Variants in NUDC observed in about 807,000 individuals in gnomAD.
NUDC encodes the protein nuclear migration protein nudC.
A neutral mutation model predicts 45.0 loss-of-function variants in NUDC; 14 were observed. The ratio of observed to expected loss-of-function variants is 0.31; its 90% CI spans 0.21 to 0.49. The LOEUF (loss-of-function observed/expected upper bound fraction) is 0.49. NUDC is among the 20% of genes least tolerant of loss of function. NUDC has a pLI of 0.99. For missense variants in NUDC, 323 were observed against 426.2 expected (o/e 0.76, Z 2.13); for synonymous variants, 153 against 156.7 (o/e 0.98, Z 0.17).
intron 6 of NUDC, 111 bp downstream of exon 6, chr1:26,943,176 C>T: frequency 1.8e-6 from 2 of 1,094,888 alleles, no homozygotes; most frequent in Admixed American, 1.8e-5. Context: ...TTATCTTAAT[C>T]CCCATGACAA....
In NUDC at chr1:26,921,956, C is replaced by T. The variant is rs1005748666; in HGVS notation, c.81+27C>T. On this transcript the variant is annotated intron_variant, in intron 1 of 8. Transcript: ENST00000321265. ...TAACGGCCCGCGCGGCGTCGGCCCACCCGGCGGCCTTGGCCACGCTCCTTC... is the reference window on the plus strand; with the variant it reads ...TAACGGCCCGCGCGGCGTCGGCCCATCCGGCGGCCTTGGCCACGCTCCTTC... 4 of 1,547,352 alleles carry T rather than the reference C, an allele frequency of 2.6e-6. No homozygotes were observed. In the South Asian group the frequency reaches 3.6e-5, roughly 14 times the overall value.
chr1:26,900,168 C>T, upstream of NUDC: 1 of 1,614,050 alleles, frequency 6.2e-7, no homozygotes, highest in Non-Finnish European at 8.5e-7. Context: ...AGTAGAGTCT[C>T]GAGTGGAGAG....
intron 4 of NUDC, among the ~76,000 whole-genome samples, chr1:26,942,093 A>C (rs1215806310): frequency 6.6e-6 from 1 of 152,078 alleles, no homozygotes; most frequent in Non-Finnish European, 1.5e-5. Context: ...GGAGTTCAAG[A>C]CCAACTTGGC....
At chr1:26,936,162 TATA>T (rs1429076957) in intron 2 of NUDC, among the ~76,000 whole-genome samples, 3 of 19,206 alleles carry the variant, frequency 1.6e-4, no homozygotes, top group South Asian at 1.6e-3. Context: ...TATATATATA[TATA>T]TTTTTTTTTT....
chr1:26,907,533 A>G (rs1358720519), intron 2 of NUDC, among the ~76,000 whole-genome samples: 1 of 151,572 alleles, frequency 6.6e-6, no homozygotes, highest in African/African-American at 2.4e-5. Context: ...GCTTTTTGCC[A>G]GCATCACGGG....
intron 2 of NUDC, among the ~76,000 whole-genome samples, chr1:26,903,947 C>T (rs1266244805): frequency 6.6e-6 from 1 of 150,566 alleles, no homozygotes; most frequent in African/African-American, 2.4e-5. Context: ...GGAGGCGGAG[C>T]TTGCAGTGAG....
intron 6 of NUDC, 40 bp downstream of exon 6, chr1:26,943,105 G>T: frequency 6.2e-7 from 1 of 1,602,730 alleles, no homozygotes; most frequent in Non-Finnish European, 8.5e-7. Context: ...GGTGTTGATG[G>T]AAGTAGAAGG....
At chr1:26,930,488 G>T (rs1041351087) in intron 2 of NUDC, among the ~76,000 whole-genome samples, 1 of 152,162 alleles carries the variant, frequency 6.6e-6, no homozygotes, top group Non-Finnish European at 1.5e-5. Context: ...GAGATGGGGG[G>T]ATCACTTGAG....
intron 3 of NUDC, chr1:26,914,110 G>A (rs979489113): frequency 5.7e-6 from 3 of 522,624 alleles, no homozygotes; most frequent in Non-Finnish European, 9.0e-6. Context: ...GAATGGTGGG[G>A]AAGTGGTGGG....
At chr1:26,910,146 T>G (rs1327960974) in intron 2 of NUDC, among the ~76,000 whole-genome samples, 2 of 152,156 alleles carry the variant, frequency 1.3e-5, no homozygotes, top group African/African-American at 4.8e-5. Context: ...CACCCTCAGG[T>G]GCAAGGGTGC....
chr1:26,930,656 C>T (rs2082175525), intron 2 of NUDC, among the ~76,000 whole-genome samples: 1 of 150,594 alleles, frequency 6.6e-6, no homozygotes, highest in African/African-American at 2.4e-5. Context: ...GCTGCAGTGA[C>T]CCATGATAAA....
At chr1:26,918,922 C>G (rs34244161), upstream of NUDC, among the ~76,000 whole-genome samples, 1 of 151,920 alleles carries the variant, frequency 6.6e-6, no homozygotes, top group Non-Finnish European at 1.5e-5. Flanking sequence ...GGATTACAGG[C>G]GCACACCACC....
Position 26,942,876 on chromosome 1 carries a change from G to T in NUDC, c.552G>T (p.Ala184=). 1 of 1,613,758 alleles carries T rather than the reference G, an allele frequency of 6.2e-7. No individual in the cohort carries two copies. Among genetic ancestry groups the T allele is most frequent in the African/African-American group, 1.3e-5 (1 of 75,040 alleles). The change falls in exon 6 of 9, where the codon GCG becomes GCT. Residue 184 remains alanine (A), a synonymous_variant. Transcript: ENST00000321265. ...ACTGCCTCTGCCCTATGCAGCTGGC[G>T]GTCCCTTTCTGTGTGAACTTCCGGC... The part of the protein sequence containing the change: ...WTQTLSELDL[A]VPFCVNFRLK...
chr1:26,936,440 T>C (rs2124127174), intron 2 of NUDC, among the ~76,000 whole-genome samples: 1 of 151,438 alleles, frequency 6.6e-6, no homozygotes, highest in African/African-American at 2.4e-5. Context: ...TCCGCCTGCC[T>C]CGGCCTCCCA....
At chr1:26,905,625 G>A (rs540284284) in intron 2 of NUDC, among the ~76,000 whole-genome samples, 13 of 152,132 alleles carry the variant, frequency 8.5e-5, no homozygotes, top group South Asian at 4.1e-4. Flanking sequence ...ATTCAGGTCC[G>A]TTGCAGCCCC....
intron 2 of NUDC, among the ~76,000 whole-genome samples, chr1:26,936,091 C>G (rs1034847470): frequency 7.8e-6 from 1 of 128,782 alleles, no homozygotes; most frequent in East Asian, 2.3e-4. Flanking sequence ...GCCTCAGCCT[C>G]CCAAGTAGCT....
intron 2 of NUDC, among the ~76,000 whole-genome samples, chr1:26,934,584 A>G (rs2082211443): frequency 1.3e-5 from 2 of 151,976 alleles, no homozygotes; most frequent in East Asian, 1.9e-4. Context: ...TCCAAAGCTC[A>G]TCTGTGACAA....
intron 4 of NUDC, among the ~76,000 whole-genome samples, chr1:26,942,427 A>G (rs555146220): frequency 3.4e-4 from 52 of 152,274 alleles, no homozygotes; most frequent in Middle Eastern, 3.4e-3. Context: ...CCTTTGTCAC[A>G]TGGTATAATA....
rs2082092871 is a variant in NUDC, at chr1:26,921,788, GGAGCGTA to G, written c.-57_-51del. The G allele has an allele frequency of 6.6e-7, 1 of 1,515,676 alleles. No individual in the cohort carries two copies. The highest frequency in any genetic ancestry group is 2.0e-5 in the Admixed American group (1 of 50,890). The allele number at this position is 1,515,676 out of a possible 1,614,324, so 93.9% of individuals were successfully genotyped here. On this transcript the variant is annotated 5_prime_UTR_variant, in exon 1 of 9. Coordinates refer to ENST00000321265, the MANE Select transcript of NUDC (RefSeq NM_006600.4). Reference sequence around the variant, plus strand: ...GTCGTTGGGCCCGGCGCGACCCGCAGGAGCGTAGAGAGCGCGGGACTAGAGTGCAGAG... The same window carrying G: ...GTCGTTGGGCCCGGCGCGACCCGCAGGAGAGCGCGGGACTAGAGTGCAGAG...
Sources: allele counts gnomAD v4.1 joint callset (sites outside exome capture counted in the v4.1 genomes callset), GRCh38; gene constraint gnomAD v4.1.1; transcripts MANE v1.5; gene names NCBI Gene and HGNC (gene_info 2026-07-23, HGNC 2026-07-21).